EPS8L1: variants seen among roughly 807,000 people sequenced by gnomAD.
EPS8L1 encodes the protein epidermal growth factor receptor kinase substrate 8-like protein 1.
EPS8L1 carries 101 observed loss-of-function variants against 91.7 expected under a neutral mutation model. The ratio of observed to expected loss-of-function variants is 1.10; its 90% CI spans 0.94 to 1.30. EPS8L1 has a LOEUF of 1.30. Among genes scored for constraint, EPS8L1 ranks in the 50% most tolerant of loss-of-function variants. The pLI is 0.00. For missense variants in EPS8L1, 1,114 were observed against 1,017.0 expected (o/e 1.10, Z -1.30); for synonymous variants, 506 against 445.3 (o/e 1.14, Z -1.72).
intron 7 of EPS8L1, 132 bp downstream of exon 7, chr19:55,080,986 G>C: frequency 1.0e-6 from 1 of 954,888 alleles, no homozygotes; most frequent in Non-Finnish European, 1.5e-6. Context: ...AGTCTTGTCT[G>C]TACCTCCCAG....
chr19:55,087,712 C>A lies in EPS8L1; in HGVS notation c.*98C>A. Reference sequence around the variant, plus strand: ...CGGAAGTCGATCTTCTGAAGGATGGCCAATCTGCTCCGGCCCTGGTCTTCC... The same window carrying A: ...CGGAAGTCGATCTTCTGAAGGATGGACAATCTGCTCCGGCCCTGGTCTTCC... On this transcript the variant is annotated 3_prime_UTR_variant, in exon 20 of 20. Transcript: ENST00000201647. 2 of 1,239,584 alleles carry A rather than the reference C, an allele frequency of 1.6e-6. No individual in the cohort carries two copies. Among genetic ancestry groups the A allele is most frequent in the Non-Finnish European group, 2.3e-6 (2 of 861,880 alleles). 76.8% of individuals were successfully genotyped at this position (1,239,584 alleles called of 1,614,324 possible).
At position 55,081,249 on chromosome 19, in the gene EPS8L1, G is replaced by GCAGCGCGA. The variant is rs2076251270; in HGVS notation, c.533_540dup (p.Arg181SerfsTer22). 2 of 1,516,722 alleles carry GCAGCGCGA rather than the reference G, an allele frequency of 1.3e-6. No homozygotes were observed. The highest frequency in any genetic ancestry group is 8.8e-7 in the Non-Finnish European group (1 of 1,142,116). The allele number at this position is 1,516,722 out of a possible 1,614,324, so 94.0% of individuals were successfully genotyped here. On this transcript the variant is annotated frameshift_variant, in exon 8 of 20. Coordinates refer to ENST00000201647, the MANE Select transcript of EPS8L1 (RefSeq NM_133180.3). LOFTEE classifies it high-confidence loss of function. This position sits in a 1 kb window ranked among gnomAD's most constrained non-coding sequence, Gnocchi z 4.9. The stretch of plus-strand genomic sequence containing the variant: ...TCCGCAGGGCCACGCAGGAGGAGTT[G>GCAGCGCGA]CAGCGCGACCGCTCGCCCGCCGCTG...
intron 12 of EPS8L1, among the ~76,000 whole-genome samples, chr19:55,082,872 T>C (rs976913294): frequency 5.8e-5 from 6 of 103,810 alleles, no homozygotes; most frequent in Non-Finnish European, 1.2e-4. Context: ...GGCTAGGGGC[T>C]ACGGGGCAGG....
At position 55,076,492 on chromosome 19, in the gene EPS8L1, C is replaced by G. The variant is rs752301904; in HGVS notation, c.17+31C>G. On this transcript the variant is annotated intron_variant, in intron 2 of 19. Transcript: ENST00000201647. Reference sequence around the variant, plus strand: ...CGCCCCCGGACCCCAGGTCCCAGCCCCAGCACGCCTCCCGCCTCCCCTCGC... The same window carrying G: ...CGCCCCCGGACCCCAGGTCCCAGCCGCAGCACGCCTCCCGCCTCCCCTCGC... 3.1e-6 allele frequency: 5 copies of G among 1,609,414 alleles called. No homozygotes were observed. The South Asian group carries it at 5.5e-5, about 18-fold the overall frequency.
intron 1 of EPS8L1, 76 bp from the exon 2 acceptor site, chr19:55,076,332 T>C (rs1410636540): frequency 3.0e-6 from 4 of 1,348,516 alleles, no homozygotes; most frequent in South Asian, 1.3e-5. Flanking sequence ...CCTGGATGCC[T>C]GCATTGAGGG....
chr19:55,086,248 G>T, intron 16 of EPS8L1, 56 bp downstream of exon 16: 1 of 1,602,572 alleles, frequency 6.2e-7, no homozygotes, highest in Non-Finnish European at 8.5e-7. Flanking sequence ...ACCAGATCCT[G>T]GGAACAAGGG....
chr19:55,080,393 G>C (rs2076229424), intron 6 of EPS8L1, 115 bp downstream of exon 6: 2 of 1,564,762 alleles, frequency 1.3e-6, no homozygotes, highest in South Asian at 2.3e-5. Flanking sequence ...GGCGGGATCA[G>C]AGCAAGGAAG....
intron 17 of EPS8L1, 71 bp from the exon 18 acceptor site, chr19:55,086,640 CCCG>C: frequency 6.9e-7 from 1 of 1,448,162 alleles, no homozygotes; most frequent in South Asian, 1.3e-5. Context: ...GGAGCGCCCC[CCCG>C]CCCCGCCCTC....
intron 2 of EPS8L1, among the ~76,000 whole-genome samples, chr19:55,076,796 G>C (rs180844137): frequency 1.3e-5 from 2 of 152,258 alleles, no homozygotes; most frequent in Admixed American, 1.3e-4. Flanking sequence ...GTGCATTACA[G>C]GACTTAGCTG....
intron 14 of EPS8L1, among the ~76,000 whole-genome samples, chr19:55,084,995 C>T (rs933424644): frequency 6.6e-6 from 1 of 152,102 alleles, no homozygotes; most frequent in Non-Finnish European, 1.5e-5. Context: ...CATCCCTGTG[C>T]CTCAGCTTCC....
At chr19:55,080,462 G>C (rs370786571) in intron 6 of EPS8L1, 184 bp downstream of exon 6, 2 of 1,612,914 alleles carry the variant, frequency 1.2e-6, no homozygotes, top group African/African-American at 2.7e-5. Flanking sequence ...TGGACCCAGG[G>C]TCAAGATAGA....
In EPS8L1 at chr19:55,082,155, A is replaced by G; in HGVS notation, c.965A>G (p.Lys322Arg). The part of the protein sequence containing the change: ...SEAEYTDVLQ[K>R]IKYAFSLLAR... ...GCCGAGTACACCGACGTGCTGCAGAAGATCAAGTACGCCTTCAGCCTGCTG... is the reference window on the plus strand; with the variant it reads ...GCCGAGTACACCGACGTGCTGCAGAGGATCAAGTACGCCTTCAGCCTGCTG... The change falls in exon 10 of 20, where the codon AAG becomes AGG. Residue 322 changes from lysine (K) to arginine (R), a missense_variant. Physicochemically the swap from Lys to Arg is conservative, Grantham distance 26 (BLOSUM62 2). Coordinates refer to ENST00000201647, the MANE Select transcript of EPS8L1 (RefSeq NM_133180.3). The G allele has an allele frequency of 6.2e-7, 1 of 1,603,776 alleles. No individual in the cohort carries two copies. The highest frequency in any genetic ancestry group is 8.5e-7 in the Non-Finnish European group (1 of 1,175,802).
rs536448589 is a variant in EPS8L1, at chr19:55,079,836, C to G, written c.264C>G (p.Leu88=). ...LRVSPDHVTL[L]DPASKEELES... ...TGTCTCCCGACCATGTCACGCTGCT[C>G]GACCCGGCCTCCAAGGTGCCGGGGG... Residue 88 remains leucine (L), a synonymous_variant, in exon 5 of 20, where the codon CTC becomes CTG. Transcript: ENST00000201647. 2 of 1,612,800 alleles carry G rather than the reference C, an allele frequency of 1.2e-6. No individual in the cohort carries two copies. Among genetic ancestry groups the G allele is most frequent in the Middle Eastern group, 1.7e-4 (1 of 6,054 alleles).
In EPS8L1 at chr19:55,087,348, G is replaced by A. The variant is rs1568798879; in HGVS notation, c.1998G>A (p.Ser666=). 3.7e-6 allele frequency: 6 copies of A among 1,612,552 alleles called. No individual in the cohort carries two copies. Among genetic ancestry groups the A allele is most frequent in the African/African-American group, 1.3e-5 (1 of 75,016 alleles). Residue 666 remains serine (S), a synonymous_variant, in exon 19 of 20, where the codon TCG becomes TCA. Transcript: ENST00000201647. ...LGVLTGAQLF[S]LQKEELRAVS... ...TGCTGACCGGGGCGCAGCTTTTCTC[G>A]CTGCAGAAGGAGGAGCTGCGGGCGG...
rs542853830 is a variant in EPS8L1, at chr19:55,086,105, G to A, written c.1563G>A (p.Ala521=). ...AGTGGTGGAAGGTTCGGGACCCAGC[G>A]GGGCAGGAGGGATATGTGCCCTACA... ...SRKWWKVRDP[A]GQEGYVPYNI... Residue 521 remains alanine (A), a synonymous_variant, in exon 16 of 20, where the codon GCG becomes GCA. Transcript: ENST00000201647. 2.4e-5 allele frequency: 39 copies of A among 1,603,686 alleles called. No homozygotes were observed. The South Asian group carries it at 3.8e-4, about 16-fold the overall frequency.
At position 55,080,240 on chromosome 19, in the gene EPS8L1, C is replaced by A; in HGVS notation, c.391C>A (p.Gln131Lys). 1 of 1,535,862 alleles carries A rather than the reference C, an allele frequency of 6.5e-7. No homozygotes were observed. Among genetic ancestry groups the A allele is most frequent in the Non-Finnish European group, 8.8e-7 (1 of 1,136,362 alleles). The change falls in exon 6 of 20, where the codon CAG becomes AAG. Residue 131 changes from glutamine to lysine, a missense_variant. Physicochemically the swap from Gln to Lys is moderately conservative, Grantham distance 53 (BLOSUM62 1). Coordinates refer to ENST00000201647, the MANE Select transcript of EPS8L1 (RefSeq NM_133180.3). ...LLVCQEPERA[Q>K]PDVHFFQGLR... ...CGTGTGCCAGGAACCCGAGCGCGCG[C>A]AGCCCGACGTGCACTTCTTCCAGGG...
rs1435080204 is a variant in EPS8L1 at position 55,082,545 on chromosome 19, T to C, written c.1157T>C (p.Val386Ala). The change falls in exon 12 of 20, where the codon GTC (valine) becomes GCC (alanine). Residue 386 changes from valine to alanine, a missense_variant. Transcript: ENST00000201647. Reference protein sequence around the residue: ...SDAVALLRDNVTPRENELWTS... With the variant: ...SDAVALLRDNATPRENELWTS... The stretch of plus-strand genomic sequence containing the variant: ...GCCGTGGCGCTGCTGCGGGACAACG[T>C]CACTCCACGTGAAAACGAGCTCTGG... 1 of 1,606,026 alleles carries C rather than the reference T, an allele frequency of 6.2e-7. No homozygotes were observed. Among genetic ancestry groups the C allele is most frequent in the Non-Finnish European group, 8.5e-7 (1 of 1,177,008 alleles).
At chr19:55,080,345 TG>T (rs1438202102) in intron 6 of EPS8L1, 67 bp downstream of exon 6, 1 of 1,517,180 alleles carries the variant, frequency 6.6e-7, no homozygotes, top group African/African-American at 1.5e-5. Context: ...GGGGCGGAAA[TG>T]GGTGGGGCCT....
intron 2 of EPS8L1, 68 bp from the exon 3 acceptor site, chr19:55,078,020 C>A: frequency 6.7e-7 from 1 of 1,496,328 alleles, no homozygotes. Flanking sequence ...CCTTGCTGCC[C>A]TGCTTGGCAT....
Sources: allele counts gnomAD v4.1 joint callset (sites outside exome capture counted in the v4.1 genomes callset), GRCh38; gene constraint gnomAD v4.1.1; non-coding constraint Gnocchi (gnomAD v3.1); transcripts MANE v1.5; gene names NCBI Gene and HGNC (gene_info 2026-07-23, HGNC 2026-07-21).